RNF169: variants seen among roughly 807,000 people sequenced by gnomAD.
RNF169 encodes ring finger protein 169, also known as E3 ubiquitin-protein ligase RNF169.
Under a neutral mutation model 53.9 loss-of-function variants are expected in RNF169, and 24 were observed. The observed-to-expected ratio is 0.45, with a 90% CI of 0.32 to 0.63. The LOEUF (loss-of-function observed/expected upper bound fraction) is 0.63. Ranked by LOEUF, RNF169 falls within the 20% of genes least tolerant of loss-of-function variation. The probability of loss-of-function intolerance (pLI) is 0.04; values close to 1 mark genes in which losing one functional copy is unlikely to be tolerated. For missense variants in RNF169, 883 were observed against 906.2 expected (o/e 0.97, Z 0.33); for synonymous variants, 396 against 363.5 (o/e 1.09, Z -1.02).
intron 1 of RNF169, among the ~76,000 whole-genome samples, chr11:74,776,371 A>T (rs2035335192): frequency 6.6e-6 from 1 of 152,138 alleles, no homozygotes; most frequent in Non-Finnish European, 1.5e-5. Flanking sequence ...GATGATAATG[A>T]GACTTTGACT....
At chr11:74,819,803 A>G (rs2035985544) in intron 4 of RNF169, among the ~76,000 whole-genome samples, 1 of 152,220 alleles carries the variant, frequency 6.6e-6, no homozygotes, top group African/African-American at 2.4e-5. Context: ...ATGCTTTAGC[A>G]ATAGTTTATA....
At chr11:74,783,757 G>A (rs572318333) in intron 1 of RNF169, among the ~76,000 whole-genome samples, 18 of 152,106 alleles carry the variant, frequency 1.2e-4, no homozygotes, top group Non-Finnish European at 2.4e-4. Flanking sequence ...TCCTCTTTTC[G>A]GGTGGAGGAA....
intron 1 of RNF169, among the ~76,000 whole-genome samples, chr11:74,752,797 G>A (rs1186164666): frequency 6.6e-6 from 1 of 151,938 alleles, no homozygotes; most frequent in Non-Finnish European, 1.5e-5. Flanking sequence ...TTTACTGAGT[G>A]GATATAGCAT....
At chr11:74,803,702 T>G (rs2035765775) in intron 2 of RNF169, among the ~76,000 whole-genome samples, 1 of 152,206 alleles carries the variant, frequency 6.6e-6, no homozygotes. Flanking sequence ...ATCTCAGAAT[T>G]TTTGGTTTTT....
Position 74,810,214 on chromosome 11 carries a change from C to A in RNF169, c.607C>A (p.Pro203Thr). 1 of 1,612,794 alleles carries A rather than the reference C, an allele frequency of 6.2e-7. No homozygotes were observed. ...AGAAGAAAAGTTACAAGAGGAAAAACCCTCTGAAGATCAAATCCACAAGCT... is the reference window on the plus strand; with the variant it reads ...AGAAGAAAAGTTACAAGAGGAAAAAACCTCTGAAGATCAAATCCACAAGCT... Reference protein sequence around the residue: ...LREEKLQEEKPSEDQIHKLLP... With the variant: ...LREEKLQEEKTSEDQIHKLLP... The change falls in exon 3 of 6, where the codon CCC becomes ACC. Residue 203 changes from proline (P) to threonine (T), a missense_variant. This residue lies in a region of RNF169 where 219 missense variants were observed against 289.1 expected (regional missense o/e 0.76). Coordinates refer to ENST00000299563, the MANE Select transcript of RNF169 (RefSeq NM_001098638.2).
At chr11:74,763,581 A>G (rs576625852) in intron 1 of RNF169, among the ~76,000 whole-genome samples, 1 of 152,354 alleles carries the variant, frequency 6.6e-6, no homozygotes, top group African/African-American at 2.4e-5. Context: ...AAGTTAAACA[A>G]TAGTTTACAC....
chr11:74,781,228 G>A lies in RNF169; in HGVS notation c.503-8398G>A, dbSNP rs531609430. Among the ~76,000 whole-genome samples, 73 of 152,322 alleles carry A rather than the reference G, an allele frequency of 4.8e-4. 1 individual carries two copies. Among genetic ancestry groups the A allele is most frequent in the African/African-American group, 1.7e-3 (72 of 41,570 alleles). Reference sequence around the variant, plus strand: ...GCTGTAGAAGCTTTATACTGCAGCCGTCTTTGAGTCAGCTCATGTCATGTT... The same window carrying A: ...GCTGTAGAAGCTTTATACTGCAGCCATCTTTGAGTCAGCTCATGTCATGTT... On this transcript the variant is annotated intron_variant, in intron 1 of 5. Transcript: ENST00000299563.
intron 3 of RNF169, among the ~76,000 whole-genome samples, chr11:74,813,728 G>A (rs956295541): frequency 2.0e-5 from 3 of 151,912 alleles, no homozygotes; most frequent in East Asian, 1.9e-4. Flanking sequence ...TCGCTCTGTC[G>A]CCAGGCTGGA....
intron 1 of RNF169, among the ~76,000 whole-genome samples, chr11:74,770,925 C>T (rs567034174): frequency 6.6e-6 from 1 of 152,258 alleles, no homozygotes; most frequent in Non-Finnish European, 1.5e-5. Flanking sequence ...CCTGCCTCAG[C>T]CTCCCGAGTA....
chr11:74,774,706 G>A (rs1004453054), intron 1 of RNF169, among the ~76,000 whole-genome samples: 1 of 152,172 alleles, frequency 6.6e-6, no homozygotes, highest in Non-Finnish European at 1.5e-5. Context: ...TGTAATCCTA[G>A]CACTTTGGGA....
chr11:74,836,365 A>C lies in RNF169; in HGVS notation c.1762A>C (p.Lys588Gln). ...AAACAGTGTTTTGGGTGGAGTCCTC[A>C]AAACAAAGCAACAATTGAAGACATT... ...PQNSVLGGVL[K>Q]TKQQLKTLNH... Residue 588 changes from lysine to glutamine, a missense_variant, in exon 6 of 6, where the codon AAA becomes CAA. Coordinates refer to ENST00000299563, the MANE Select transcript of RNF169 (RefSeq NM_001098638.2). The C allele has an allele frequency of 1.2e-6, 2 of 1,614,218 alleles. No individual in the cohort carries two copies. The highest frequency in any genetic ancestry group is 1.7e-6 in the Non-Finnish European group (2 of 1,180,024).
chr11:74,763,144 ACTTTG>A (rs2135314952), intron 1 of RNF169, among the ~76,000 whole-genome samples: 1 of 152,332 alleles, frequency 6.6e-6, no homozygotes, highest in African/African-American at 2.4e-5. Flanking sequence ...CAAGATCTAT[ACTTTG>A]CTTACATTTG....
intron 1 of RNF169, among the ~76,000 whole-genome samples, chr11:74,785,017 A>G (rs1045898618): frequency 1.3e-5 from 2 of 151,728 alleles, no homozygotes; most frequent in African/African-American, 4.8e-5. Flanking sequence ...CTTATTTATT[A>G]TGGGGATTCT....
intron 1 of RNF169, among the ~76,000 whole-genome samples, chr11:74,758,817 T>G (rs1279544822): frequency 6.6e-6 from 1 of 151,888 alleles, no homozygotes; most frequent in African/African-American, 2.4e-5. Flanking sequence ...CATATGAACT[T>G]TAAAGTAGTT....
In RNF169 at chr11:74,817,720, A is replaced by G; in HGVS notation, c.842+6A>G. 6.4e-7 allele frequency: 1 copy of G among 1,559,422 alleles called. No homozygotes were observed. The highest frequency in any genetic ancestry group is 8.8e-7 in the Non-Finnish European group (1 of 1,130,202). ...TCCTTAGCTTTCCTGGCAGGGTAAG[A>G]GACTGATGCTGAATTCAGTCAGGGG... On this transcript the variant is annotated splice_donor_region_variant and intron_variant, in intron 4 of 5. Transcript: ENST00000299563.
In RNF169 at chr11:74,841,326, A is replaced by G. The variant is rs891483168; in HGVS notation, c.*4596A>G. 1 of 152,192 alleles carries G rather than the reference A, an allele frequency of 6.6e-6. No individual in the cohort carries two copies. Among genetic ancestry groups the G allele is most frequent in the African/African-American group, 2.4e-5 (1 of 41,448 alleles). 9.4% of individuals were successfully genotyped at this position (152,192 alleles called of 1,614,324 possible). On this transcript the variant is annotated 3_prime_UTR_variant, in exon 6 of 6. Coordinates refer to ENST00000299563, the MANE Select transcript of RNF169 (RefSeq NM_001098638.2). ...GGTGGTCAGGAGACAGATTCTAGGGAAAGTGCTGAAGAGATTTTCTTCTGA... is the reference window on the plus strand; with the variant it reads ...GGTGGTCAGGAGACAGATTCTAGGGGAAGTGCTGAAGAGATTTTCTTCTGA...
intron 2 of RNF169, among the ~76,000 whole-genome samples, chr11:74,809,096 T>G (rs1378616809): frequency 1.4e-5 from 2 of 141,714 alleles, no homozygotes; most frequent in African/African-American, 2.5e-5. Flanking sequence ...TGTTGTGGGG[T>G]TTTTTTTTCC....
At chr11:74,832,861 A>C (rs2036200253) in intron 4 of RNF169, among the ~76,000 whole-genome samples, 1 of 152,156 alleles carries the variant, frequency 6.6e-6, no homozygotes, top group South Asian at 2.1e-4. Context: ...TGCCACTGAC[A>C]GTTTCTGTGA....
At chr11:74,824,360 C>A (rs190225289) in intron 4 of RNF169, among the ~76,000 whole-genome samples, 1 of 151,976 alleles carries the variant, frequency 6.6e-6, no homozygotes, top group African/African-American at 2.4e-5. Flanking sequence ...ATAAACAGAG[C>A]CTAAGAAATC....
Sources: gnomAD v4.1 joint callset for allele counts (sites outside exome capture counted in the v4.1 genomes callset) on GRCh38, gnomAD v4.1.1 for gene constraint, gnomAD v4.1.1 regional missense constraint, MANE v1.5 for transcripts, NCBI Gene and HGNC (gene_info 2026-07-23, HGNC 2026-07-21) for gene names.